Variants in CCDC146 observed in about 807,000 individuals in gnomAD.
CCDC146 encodes the protein coiled-coil domain-containing protein 146.
CCDC146 carries 92 observed loss-of-function variants against 119.3 expected under a neutral mutation model. The observed-to-expected ratio is 0.77, with a 90% CI of 0.65 to 0.92. The LOEUF (loss-of-function observed/expected upper bound fraction) is 0.92, where lower values mean the gene tolerates loss of function less well. CCDC146 is among the 40% of genes least tolerant of loss of function. The pLI is 0.00. For synonymous variants in CCDC146, 372 were observed against 371.8 expected, an observed-to-expected ratio of 1.00 and a Z score of -0.01; for missense variants, 1,000 against 1,103.0, an observed-to-expected ratio of 0.91 and a Z score of 1.32.
Position 77,242,315 on chromosome 7 carries a change from G to A in CCDC146, c.449+415G>A, listed in dbSNP as rs1307392228. 5.4e-6 allele frequency: 5 copies of A among 919,222 alleles called. No homozygotes were observed. The East Asian group carries it at 3.1e-4, about 57-fold the overall frequency. 56.9% of individuals were successfully genotyped at this position (919,222 alleles called of 1,614,324 possible). A position where few individuals can be genotyped will look rare whatever the true frequency, so the allele number is the denominator to read the frequency against. On this transcript the variant is annotated intron_variant, in intron 4 of 18. Coordinates refer to ENST00000285871, the MANE Select transcript of CCDC146 (RefSeq NM_020879.3). ...GCATTTTCCAAACAAGCCTCCATGA[G>A]CTGAGGGTCACATGTCATCTGGCTC...
At chr7:77,251,179 G>A (rs1472235858) in intron 4 of CCDC146, among the ~76,000 whole-genome samples, 4 of 151,824 alleles carry the variant, frequency 2.6e-5, no homozygotes, top group Non-Finnish European at 5.9e-5. Flanking sequence ...CCGCCAATAC[G>A]CCCAGCTAAT....
At chr7:77,123,254 C>A (rs1373954210) in intron 1 of CCDC146, among the ~76,000 whole-genome samples, 1 of 145,754 alleles carries the variant, frequency 6.9e-6, no homozygotes, top group Non-Finnish European at 1.5e-5. Flanking sequence ...AAAAAAAAGA[C>A]ACAAAAAAGA....
At chr7:77,232,879 A>G (rs966353618) in intron 2 of CCDC146, among the ~76,000 whole-genome samples, 1 of 152,212 alleles carries the variant, frequency 6.6e-6, no homozygotes, top group Non-Finnish European at 1.5e-5. Context: ...CACTGGCTGC[A>G]AGCCTGCCCA....
At chr7:77,251,268 C>T (rs528397072) in intron 4 of CCDC146, among the ~76,000 whole-genome samples, 23 of 152,082 alleles carry the variant, frequency 1.5e-4, no homozygotes, top group Admixed American at 5.9e-4. Flanking sequence ...GTTATCTGCC[C>T]GCCTCAGCCT....
rs1045054189 is a variant in CCDC146 at position 77,198,038 on chromosome 7, T to C, written c.156+30214T>C. 1.4e-5 allele frequency: 10 copies of C among 736,816 alleles called. No individual in the cohort carries two copies. In the African/African-American group the frequency reaches 1.9e-4, roughly 14 times the overall value. 45.6% of individuals were successfully genotyped at this position (736,816 alleles called of 1,614,324 possible). A position where few individuals can be genotyped will look rare whatever the true frequency, so the allele number is the denominator to read the frequency against. On this transcript the variant is annotated intron_variant, in intron 2 of 18. Transcript: ENST00000285871. ...ATATTCAGTTATTTCACCCAAAATG[T>C]TTAGGAGAAAAATAGACAATAGTCT...
At chr7:77,256,255 A>G in intron 5 of CCDC146, 78 bp from the exon 6 acceptor site, 1 of 1,000,238 alleles carries the variant, frequency 1.0e-6, no homozygotes, top group Non-Finnish European at 1.4e-6. Flanking sequence ...GGTGGGTGAA[A>G]TTAGTTTTAG....
intron 1 of CCDC146, among the ~76,000 whole-genome samples, chr7:77,130,948 A>G (rs1179513601): frequency 2.8e-5 from 4 of 141,970 alleles, no homozygotes; most frequent in African/African-American, 5.3e-5. Flanking sequence ...CTGGAGTGCA[A>G]TGGCGCAATC....
intron 1 of CCDC146, among the ~76,000 whole-genome samples, chr7:77,131,749 AAACTC>A (rs1790788669): frequency 3.9e-5 from 6 of 152,306 alleles, no homozygotes; most frequent in Admixed American, 3.3e-4. Context: ...AAAAAACAAA[AAACTC>A]AAGAACATTT....
intron 2 of CCDC146, among the ~76,000 whole-genome samples, chr7:77,217,690 T>TTTGCCTA (rs1792326516): frequency 6.6e-6 from 1 of 151,796 alleles, no homozygotes; most frequent in African/African-American, 2.4e-5. Flanking sequence ...CATCATAGAG[T>TTTGCCTA]GTACTTACAC....
At chr7:77,142,927 C>T (rs1301213196) in intron 1 of CCDC146, among the ~76,000 whole-genome samples, 1 of 151,790 alleles carries the variant, frequency 6.6e-6, no homozygotes, top group African/African-American at 2.4e-5. Flanking sequence ...TGGGTATATA[C>T]CCAGTAATGG....
rs1379239670 is a variant in CCDC146, at chr7:77,196,731, G to T, written c.156+28907G>T. On this transcript the variant is annotated intron_variant, in intron 2 of 18. Coordinates refer to ENST00000285871, the MANE Select transcript of CCDC146 (RefSeq NM_020879.3). This position sits in a 1 kb window ranked among gnomAD's most constrained non-coding sequence, Gnocchi z 4.2. The stretch of plus-strand genomic sequence containing the variant: ...ATTTCCTTACTCTTGGTCAGAAGAT[G>T]AATTTTATCGTTCCCCAGCCAAAAT... 6.2e-7 allele frequency: 1 copy of T among 1,614,012 alleles called. No individual in the cohort carries two copies. Among genetic ancestry groups the T allele is most frequent in the Non-Finnish European group, 8.5e-7 (1 of 1,180,008 alleles).
chr7:77,198,148 T>C, intron 2 of CCDC146: 1 of 985,450 alleles, frequency 1.0e-6, no homozygotes, highest in Non-Finnish European at 1.2e-6. Context: ...GGATTCGCAG[T>C]GTGCCAGGTA....
At chr7:77,245,894 T>C (rs1271874025) in intron 4 of CCDC146, among the ~76,000 whole-genome samples, 1 of 152,132 alleles carries the variant, frequency 6.6e-6, no homozygotes, top group African/African-American at 2.4e-5. Context: ...AGTTTGCTCT[T>C]CTGTGGCAAC....
intron 14 of CCDC146, among the ~76,000 whole-genome samples, chr7:77,281,113 CAA>C (rs368247535): frequency 3.0e-5 from 4 of 131,658 alleles, no homozygotes; most frequent in Non-Finnish European, 1.7e-5. Context: ...CAAAAACAAA[CAA>C]AAAAAAAAAA....
chr7:77,265,463 C>A (rs924129886), intron 9 of CCDC146, among the ~76,000 whole-genome samples: 17 of 152,054 alleles, frequency 1.1e-4, no homozygotes, highest in African/African-American at 3.1e-4. Flanking sequence ...AGTAAGGTAA[C>A]CTAAATAGAA....
intron 1 of CCDC146, among the ~76,000 whole-genome samples, chr7:77,150,196 GT>G (rs1791090122): frequency 1.3e-5 from 2 of 151,634 alleles, no homozygotes; most frequent in African/African-American, 4.8e-5. Flanking sequence ...TATAAAAAGT[GT>G]GAACCACAAA....
intron 17 of CCDC146, among the ~76,000 whole-genome samples, chr7:77,291,567 G>A (rs189320762): frequency 6.6e-6 from 1 of 152,318 alleles, no homozygotes; most frequent in Non-Finnish European, 1.5e-5. Flanking sequence ...AAATAGCCGG[G>A]TGTGATGGTG....
chr7:77,158,515 T>TG lies in CCDC146; in HGVS notation c.-11-9142dup, dbSNP rs200736614. ...ATATTAACTGTCTTTGGATATTTAT[T>TG]GTTTTTTTTTGTTTTTTGTTTTGAG... On this transcript the variant is annotated intron_variant, in intron 1 of 18. Coordinates refer to ENST00000285871, the MANE Select transcript of CCDC146 (RefSeq NM_020879.3). 5.9e-5 allele frequency among the ~76,000 whole-genome samples: 9 copies of TG among 152,178 alleles called. No individual in the cohort carries two copies. The East Asian group carries it at 1.7e-3, about 29-fold the overall frequency.
chr7:77,252,546 A>G (rs146429776), intron 4 of CCDC146, among the ~76,000 whole-genome samples: 141 of 152,374 alleles, frequency 9.3e-4, no homozygotes, highest in African/African-American at 3.1e-3. Flanking sequence ...GAAGATAATG[A>G]GTTTTAATTT....
Sources: gnomAD v4.1 joint callset for allele counts (sites outside exome capture counted in the v4.1 genomes callset) on GRCh38, gnomAD v4.1.1 for gene constraint, Gnocchi (gnomAD v3.1) non-coding constraint, MANE v1.5 for transcripts, NCBI Gene and HGNC (gene_info 2026-07-23, HGNC 2026-07-21) for gene names.